NRG1: variants seen among roughly 807,000 people sequenced by gnomAD.
NRG1 encodes the protein pro-neuregulin-1, membrane-bound isoform.
A neutral mutation model predicts 63.8 loss-of-function variants in NRG1; 18 were observed. The ratio of observed to expected loss-of-function variants is 0.28; its 90% CI spans 0.19 to 0.42. NRG1 has a LOEUF of 0.42. Among genes scored for constraint, NRG1 ranks in the 10% least tolerant of loss-of-function variants. NRG1 has a pLI of 1.00. For missense variants in NRG1, 762 were observed against 814.7 expected (o/e 0.94, Z 0.79); for synonymous variants, 302 against 301.3 (o/e 1.00, Z -0.02).
chr8:32,013,403 G>A (rs1431447770), intron 1 of NRG1, among the ~76,000 whole-genome samples: 2 of 152,136 alleles, frequency 1.3e-5, no homozygotes, highest in East Asian at 3.9e-4. Context: ...TAGGCACAGA[G>A]AAAATGTTGG....
intron 1 of NRG1, among the ~76,000 whole-genome samples, chr8:31,752,320 A>G (rs1816559325): frequency 6.6e-6 from 1 of 152,054 alleles, no homozygotes; most frequent in Non-Finnish European, 1.5e-5. Context: ...TAAGTGGGCA[A>G]GATGATTAGA....
At chr8:32,611,403 C>A (rs1408879462) in intron 3 of NRG1, among the ~76,000 whole-genome samples, 1 of 152,066 alleles carries the variant, frequency 6.6e-6, no homozygotes, top group Non-Finnish European at 1.5e-5. Flanking sequence ...TGGGAAACAA[C>A]CTGCAGTTAT....
chr8:32,300,869 T>C (rs1466698910), intron 1 of NRG1, among the ~76,000 whole-genome samples: 1 of 152,222 alleles, frequency 6.6e-6, no homozygotes, highest in East Asian at 1.9e-4. Context: ...GAAGATGAGC[T>C]ACAAAGCAGC....
chr8:31,831,421 T>A (rs1205398093), intron 1 of NRG1, among the ~76,000 whole-genome samples: 1 of 142,562 alleles, frequency 7.0e-6, no homozygotes, highest in African/African-American at 2.5e-5. Flanking sequence ...TCTTAAAGGG[T>A]TTGAGATTTT....
chr8:32,157,145 C>A (rs372890166), intron 1 of NRG1, among the ~76,000 whole-genome samples: 1 of 150,136 alleles, frequency 6.7e-6, no homozygotes, highest in Admixed American at 6.6e-5. Context: ...CCAAGGCGGG[C>A]GGATCACTTG....
intron 1 of NRG1, among the ~76,000 whole-genome samples, chr8:32,117,311 G>C (rs1832863749): frequency 6.6e-6 from 1 of 152,140 alleles, no homozygotes; most frequent in East Asian, 1.9e-4. Context: ...AGACTTTGTG[G>C]TCAGCATGAC....
chr8:32,743,573 C>CATATATATATAT (rs71879821), intron 7 of NRG1, among the ~76,000 whole-genome samples: 23,183 of 113,172 alleles, frequency 0.2, 2,660 homozygotes, highest in Middle Eastern at 0.23. Context: ...TAAGGCAAAA[C>CATATATATATAT]ATATATATAT....
intron 1 of NRG1, among the ~76,000 whole-genome samples, chr8:31,659,121 C>T (rs913186361): frequency 3.3e-5 from 5 of 152,090 alleles, no homozygotes; most frequent in African/African-American, 1.2e-4. Context: ...AACCTCCTTC[C>T]AGGTGAATCA....
intron 1 of NRG1, among the ~76,000 whole-genome samples, chr8:31,848,603 G>A (rs1022260747): frequency 1.3e-5 from 2 of 152,168 alleles, no homozygotes; most frequent in Admixed American, 1.3e-4. Flanking sequence ...TGTACCTACA[G>A]CCACTCTCCA....
chr8:31,943,194 C>A (rs1367115249), intron 1 of NRG1, among the ~76,000 whole-genome samples: 1 of 152,096 alleles, frequency 6.6e-6, no homozygotes, highest in East Asian at 1.9e-4. Context: ...CCATGGAATA[C>A]TACTTAGCCA....
chr8:32,236,964 A>G (rs1847626517), intron 1 of NRG1, among the ~76,000 whole-genome samples: 1 of 152,190 alleles, frequency 6.6e-6, no homozygotes, highest in Non-Finnish European at 1.5e-5. Context: ...ACAGAGATGT[A>G]CCGCGAACCC....
At position 32,763,881 on chromosome 8, in the gene NRG1, G is replaced by A. The variant is rs771695852; in HGVS notation, c.1393G>A (p.Val465Ile). 5.0e-6 allele frequency: 8 copies of A among 1,613,940 alleles called. No homozygotes were observed. The South Asian group carries it at 8.8e-5, about 18-fold the overall frequency. ...GACGGTGTCCATGCCTTCCATGGCG[G>A]TCAGCCCCTTCATGGAAGAAGAGAG... Residue 465 changes from valine to isoleucine, a missense_variant, in exon 12 of 12, where the codon GTC (valine) becomes ATC (isoleucine). This residue lies in a region of NRG1 where 503 missense variants were observed against 506.8 expected (regional missense o/e 0.99). Coordinates refer to ENST00000356819, the Ensembl canonical transcript of NRG1.
chr8:32,478,113 A>T (rs969338285), intron 1 of NRG1, among the ~76,000 whole-genome samples: 1 of 152,270 alleles, frequency 6.6e-6, no homozygotes, highest in Non-Finnish European at 1.5e-5. Flanking sequence ...CAGGCAAATG[A>T]GAAATAAAAC....
intron 1 of NRG1, among the ~76,000 whole-genome samples, chr8:32,007,707 T>C (rs1202205555): frequency 6.6e-6 from 1 of 152,100 alleles, no homozygotes; most frequent in Non-Finnish European, 1.5e-5. Context: ...CTATAGGGTT[T>C]GCCCTCAGAT....
At chr8:31,664,369 G>A (rs1051386344) in intron 1 of NRG1, among the ~76,000 whole-genome samples, 10 of 152,292 alleles carry the variant, frequency 6.6e-5, no homozygotes, top group East Asian at 3.9e-4. Flanking sequence ...GAGTACCAAC[G>A]CATAGAGTGG....
At chr8:32,332,689 T>A (rs921512059) in intron 1 of NRG1, among the ~76,000 whole-genome samples, 14 of 152,160 alleles carry the variant, frequency 9.2e-5, no homozygotes, top group African/African-American at 3.4e-4. Flanking sequence ...GAATACATTT[T>A]CTTTGATGTC....
intron 1 of NRG1, among the ~76,000 whole-genome samples, chr8:32,558,461 T>C (rs1229194116): frequency 6.6e-6 from 1 of 152,112 alleles, no homozygotes; most frequent in Non-Finnish European, 1.5e-5. Flanking sequence ...AGGAAGGACA[T>C]AACCATCCTG....
At chr8:31,705,657 G>C (rs1433393939) in intron 1 of NRG1, among the ~76,000 whole-genome samples, 1 of 152,100 alleles carries the variant, frequency 6.6e-6, no homozygotes, top group Non-Finnish European at 1.5e-5. Context: ...TTTCCTCTCT[G>C]TTCTGCATTC....
chr8:32,504,625 CAGAT>C (rs1012114990), intron 1 of NRG1, among the ~76,000 whole-genome samples: 3 of 151,744 alleles, frequency 2.0e-5, no homozygotes, highest in Non-Finnish European at 4.4e-5. Flanking sequence ...AAGACAGAAA[CAGAT>C]AGAGATTATT....
Sources: gnomAD v4.1 joint callset for allele counts (sites outside exome capture counted in the v4.1 genomes callset) on GRCh38, gnomAD v4.1.1 for gene constraint, gnomAD v4.1.1 regional missense constraint, MANE v1.5 for transcripts, NCBI Gene and HGNC (gene_info 2026-07-23, HGNC 2026-07-21) for gene names.